ARNT: variants seen among roughly 807,000 people sequenced by gnomAD.
The protein encoded by ARNT is class E basic helix-loop-helix protein 2.
In ARNT, 30 loss-of-function variants were observed where a neutral mutation model predicts 105.0. That is an observed-to-expected ratio of 0.29 (90% CI 0.21 to 0.39). ARNT has a LOEUF of 0.39. Ranked by LOEUF, ARNT falls within the 10% of genes least tolerant of loss-of-function variation. ARNT has a pLI of 1.00. For synonymous variants in ARNT, 304 were observed against 344.0 expected, an observed-to-expected ratio of 0.88 and a Z score of 1.29; for missense variants, 748 against 978.7, an observed-to-expected ratio of 0.76 and a Z score of 3.15.
In ARNT at chr1:150,834,465, A is replaced by G. The variant is rs912095792; in HGVS notation, c.803+73T>C. On this transcript the variant is annotated intron_variant, in intron 8 of 21. Coordinates refer to ENST00000358595, the MANE Select transcript of ARNT (RefSeq NM_001668.4). ...AATCCACTGGAGCTAATCCAACTTAACTCTGACAGAAATAAAACTCTCAGC... is the reference window on the plus strand; with the variant it reads ...AATCCACTGGAGCTAATCCAACTTAGCTCTGACAGAAATAAAACTCTCAGC... 3 of 1,447,568 alleles carry G rather than the reference A, an allele frequency of 2.1e-6. No individual in the cohort carries two copies. The African/African-American group carries it at 4.2e-5, about 20-fold the overall frequency. The allele number at this position is 1,447,568 out of a possible 1,614,324, so 89.7% of individuals were successfully genotyped here. A position where few individuals can be genotyped will look rare whatever the true frequency, so the allele number is the denominator to read the frequency against.
rs1241479846 is a variant in ARNT at position 150,814,151 on chromosome 1, G to T, written c.2039C>A (p.Ser680Tyr). ...FQTPSSFSSM[S>Y]LPGAPTASPG... is the part of the protein sequence containing the mutation. ...CGATGCAGTTGGGGCACCAGGGAGGGACATGGAGCTGAAGGAGGATGGAGT... is the reference window on the plus strand; with the variant it reads ...CGATGCAGTTGGGGCACCAGGGAGGTACATGGAGCTGAAGGAGGATGGAGT... Residue 680 changes from serine to tyrosine, a missense_variant, in exon 20 of 22, where the codon TCC (serine) becomes TAC (tyrosine). Coordinates refer to ENST00000358595, the MANE Select transcript of ARNT (RefSeq NM_001668.4). 6.2e-7 allele frequency: 1 copy of T among 1,614,188 alleles called. No individual in the cohort carries two copies. The highest frequency in any genetic ancestry group is 1.1e-5 in the South Asian group (1 of 91,090).
intron 3 of ARNT, among the ~76,000 whole-genome samples, chr1:150,849,505 GCCGGGTA>G (rs1348364190): frequency 2.0e-5 from 3 of 152,162 alleles, no homozygotes; most frequent in African/African-American, 7.2e-5. Context: ...CCATTTTCAG[GCCGGGTA>G]CAGTGGCTCA....
At chr1:150,858,001 A>G (rs367613113) in intron 2 of ARNT, among the ~76,000 whole-genome samples, 1 of 152,224 alleles carries the variant, frequency 6.6e-6, no homozygotes, top group Middle Eastern at 3.2e-3. Flanking sequence ...CTCTAAATTC[A>G]GAAAAGCAGC....
intron 1 of ARNT, 146 bp downstream of exon 1, chr1:150,876,397 T>G (rs1175035672): frequency 5.3e-6 from 7 of 1,308,910 alleles, no homozygotes; most frequent in Non-Finnish European, 6.0e-6. Context: ...CCTCCCCAGG[T>G]CACCGCTCCC....
intron 14 of ARNT, among the ~76,000 whole-genome samples, chr1:150,819,353 T>C (rs1003719998): frequency 3.3e-5 from 5 of 152,172 alleles, no homozygotes; most frequent in African/African-American, 1.2e-4. Context: ...ACAGAGTTAC[T>C]ATGTGGCCAG....
At chr1:150,850,187 A>C (rs192342873) in intron 3 of ARNT, among the ~76,000 whole-genome samples, 23 of 152,310 alleles carry the variant, frequency 1.5e-4, no homozygotes, top group Admixed American at 5.2e-4. Context: ...AGAGATCGAG[A>C]CCATCCTGCC....
intron 12 of ARNT, among the ~76,000 whole-genome samples, chr1:150,828,592 C>A (rs1403027403): frequency 2.6e-5 from 4 of 152,040 alleles, no homozygotes; most frequent in Non-Finnish European, 5.9e-5. Flanking sequence ...GTTTTCAAGA[C>A]CTCTTTTTCA....
At chr1:150,831,929 A>G (rs780131726) in intron 9 of ARNT, 26 bp from the exon 10 acceptor site, 1 of 1,421,152 alleles carries the variant, frequency 7.0e-7, no homozygotes, top group Non-Finnish European at 9.7e-7. Flanking sequence ...GAGTTTGAAA[A>G]AAAAAAAAAA....
chr1:150,824,965 A>T (rs1016391490), intron 13 of ARNT, among the ~76,000 whole-genome samples: 2 of 152,074 alleles, frequency 1.3e-5, no homozygotes, highest in Admixed American at 1.3e-4. Flanking sequence ...GGGTTCAAGC[A>T]ATTCTCATGC....
At chr1:150,842,529 G>A in intron 4 of ARNT, 61 bp from the exon 5 acceptor site, 1 of 1,470,692 alleles carries the variant, frequency 6.8e-7, no homozygotes, top group East Asian at 2.3e-5. Context: ...AGGAAGGGGG[G>A]AGGGAGGAAG....
At chr1:150,870,472 C>T (rs1418917063) in intron 1 of ARNT, among the ~76,000 whole-genome samples, 1 of 152,110 alleles carries the variant, frequency 6.6e-6, no homozygotes, top group Non-Finnish European at 1.5e-5. Flanking sequence ...AAGTTCTGCT[C>T]TCATGGAACT....
chr1:150,817,153 T>A lies in ARNT; in HGVS notation c.1628A>T (p.Glu543Val). The part of the protein sequence containing the change: ...TTGPEHSKPL[E>V]KSDGLFAQDR... ...CTGGGCAAATAAACCATCTGACTTC[T>A]CAAGGGGCTTGCTGTGTTCTGGTCC... The change falls in exon 17 of 22, where the codon GAG becomes GTG. Residue 543 changes from glutamate to valine, a missense_variant. Around this residue, in one of 4 missense-constraint regions of ARNT, gnomAD observed 360 missense variants for 411.9 expected, o/e 0.87. Coordinates refer to ENST00000358595, the MANE Select transcript of ARNT (RefSeq NM_001668.4). 2 of 1,614,250 alleles carry A rather than the reference T, an allele frequency of 1.2e-6. No homozygotes were observed. Among genetic ancestry groups the A allele is most frequent in the South Asian group, 2.2e-5 (2 of 91,084 alleles).
intron 2 of ARNT, among the ~76,000 whole-genome samples, chr1:150,856,738 G>A (rs953361457): frequency 6.6e-6 from 1 of 152,012 alleles, no homozygotes; most frequent in Non-Finnish European, 1.5e-5. Flanking sequence ...ACTCCAGCCT[G>A]GCAAAAGAGC....
Position 150,810,961 on chromosome 1 carries a change from C to A in ARNT, c.*1060G>T. 1 of 229,484 alleles carries A rather than the reference C, an allele frequency of 4.4e-6. No homozygotes were observed. Among genetic ancestry groups the A allele is most frequent in the Non-Finnish European group, 8.7e-6 (1 of 115,368 alleles). 14.2% of individuals were successfully genotyped at this position (229,484 alleles called of 1,614,324 possible). On this transcript the variant is annotated 3_prime_UTR_variant, in exon 22 of 22. Transcript: ENST00000358595. ...GCTTCGTATTTGGTTTACACTCCAA[C>A]AATGAGGATTTTCACTGGGACGGCT...
intron 6 of ARNT, among the ~76,000 whole-genome samples, chr1:150,838,244 C>T (rs587734539): frequency 6.6e-6 from 1 of 152,292 alleles, no homozygotes; most frequent in African/African-American, 2.4e-5. Flanking sequence ...GGTTTTTGCT[C>T]AAGTGCTTCC....
chr1:150,876,592 G>A lies in ARNT; in HGVS notation c.-25C>T, dbSNP rs1557987256. 11 of 1,422,502 alleles carry A rather than the reference G, an allele frequency of 7.7e-6. No individual in the cohort carries two copies. Among genetic ancestry groups the A allele is most frequent in the Middle Eastern group, 2.5e-4 (1 of 4,072 alleles). 88.1% of individuals were successfully genotyped at this position (1,422,502 alleles called of 1,614,324 possible). ...TGGCCGCAGATGCCACCGCCGCCGC[G>A]CCACCCCCCCCCCCAGTGGGAGGAG... On this transcript the variant is annotated 5_prime_UTR_variant, in exon 1 of 22. Coordinates refer to ENST00000358595, the MANE Select transcript of ARNT (RefSeq NM_001668.4).
intron 4 of ARNT, among the ~76,000 whole-genome samples, chr1:150,844,525 C>T (rs900702928): frequency 6.6e-6 from 1 of 152,068 alleles, no homozygotes; most frequent in African/African-American, 2.4e-5. Context: ...AGTATGTTCC[C>T]GAGACCAGGA....
chr1:150,834,715 AAGAT>A, intron 7 of ARNT, 75 bp from the exon 8 acceptor site: 1 of 1,250,254 alleles, frequency 8.0e-7, no homozygotes, highest in Non-Finnish European at 1.2e-6. Flanking sequence ...ACTGAAGGCA[AAGAT>A]AAGTAAGCAT....
Position 150,811,152 on chromosome 1 carries a change from G to A in ARNT, c.*869C>T, listed in dbSNP as rs587656271. ...TAATGTTTGCAGATCTTCCAGATAA[G>A]GTGAGAGCACCAAAAGCAGCAGTAA... On this transcript the variant is annotated 3_prime_UTR_variant, in exon 22 of 22. Coordinates refer to ENST00000358595, the MANE Select transcript of ARNT (RefSeq NM_001668.4). 1.7e-5 allele frequency: 4 copies of A among 233,566 alleles called. No homozygotes were observed. Among genetic ancestry groups the A allele is most frequent in the African/African-American group, 8.8e-5 (4 of 45,456 alleles). 14.5% of individuals were successfully genotyped at this position (233,566 alleles called of 1,614,324 possible).
Sources: gnomAD v4.1 joint callset for allele counts (sites outside exome capture counted in the v4.1 genomes callset) on GRCh38, gnomAD v4.1.1 for gene constraint, gnomAD v4.1.1 regional missense constraint, MANE v1.5 for transcripts, NCBI Gene and HGNC (gene_info 2026-07-23, HGNC 2026-07-21) for gene names.